TMEM131: variants seen among roughly 807,000 people sequenced by gnomAD.
TMEM131 encodes transmembrane protein 131.
In TMEM131, 66 loss-of-function variants were observed where a neutral mutation model predicts 211.6. The ratio of observed to expected loss-of-function variants is 0.31; its 90% CI spans 0.26 to 0.38. The LOEUF is 0.38. TMEM131 is among the 10% of genes least tolerant of loss of function. The probability of loss-of-function intolerance (pLI) is 1.00; values close to 1 mark genes in which losing one functional copy is unlikely to be tolerated. For missense variants in TMEM131, 2,036 were observed against 2,299.3 expected (o/e 0.89, Z 2.34); for synonymous variants, 844 against 841.3 (o/e 1.00, Z -0.06).
chr2:97,901,103 A>G (rs1354764269), intron 3 of TMEM131, among the ~76,000 whole-genome samples: 1 of 152,210 alleles, frequency 6.6e-6, no homozygotes, highest in Non-Finnish European at 1.5e-5. Context: ...ACCTTCAAAA[A>G]TATGAAAATA....
At chr2:97,988,162 T>A (rs754554171) in intron 1 of TMEM131, among the ~76,000 whole-genome samples, 1 of 152,164 alleles carries the variant, frequency 6.6e-6, no homozygotes, top group South Asian at 2.1e-4. Context: ...CTTGCATATA[T>A]AGCCAATTAA....
intron 1 of TMEM131, among the ~76,000 whole-genome samples, chr2:97,976,960 C>CAAAAA (rs34708023): frequency 1.8e-5 from 2 of 112,176 alleles, no homozygotes; most frequent in African/African-American, 3.4e-5. Context: ...TATTTATATG[C>CAAAAA]AAAAAAAAAA....
Position 97,919,191 on chromosome 2 carries a change from T to C in TMEM131, c.249+8235A>G, listed in dbSNP as rs544946452. On this transcript the variant is annotated intron_variant, in intron 2 of 40. Coordinates refer to ENST00000186436, the MANE Select transcript of TMEM131 (RefSeq NM_015348.2). ...CAATGCATTAGTCAAAACATTATTA[T>C]TATTGTTCTACAAAGTATACATTCA... 1.4e-4 allele frequency among the ~76,000 whole-genome samples: 22 copies of C among 152,350 alleles called. No homozygotes were observed. The East Asian group carries it at 3.3e-3, about 23-fold the overall frequency.
intron 2 of TMEM131, among the ~76,000 whole-genome samples, chr2:97,923,834 A>T (rs897373274): frequency 1.3e-5 from 2 of 152,030 alleles, no homozygotes; most frequent in African/African-American, 4.8e-5. Context: ...TAATCCCCGC[A>T]CTTGGGGAGG....
At chr2:97,833,318 AAAAC>A (rs1381423078) in intron 11 of TMEM131, 43 bp downstream of exon 11, 1 of 910,816 alleles carries the variant, frequency 1.1e-6, no homozygotes, top group Non-Finnish European at 1.7e-6. Flanking sequence ...CATACATTTA[AAAAC>A]AAAGAATATA....
intron 4 of TMEM131, among the ~76,000 whole-genome samples, chr2:97,874,906 A>G (rs531077094): frequency 3.9e-5 from 6 of 152,250 alleles, no homozygotes; most frequent in Non-Finnish European, 7.3e-5. Context: ...AAATGCCCCA[A>G]TTAAAGACAC....
chr2:97,811,163 G>A lies in TMEM131; in HGVS notation c.1933C>T (p.His645Tyr). The change falls in exon 18 of 41, where the codon CAT (histidine) becomes TAT (tyrosine). Residue 645 changes from histidine (H) to tyrosine (Y), a missense_variant. His to Tyr is a moderately conservative substitution (Grantham distance 83). Around this residue, in one of 3 missense-constraint regions of TMEM131, gnomAD observed 1,623 missense variants for 1,805.9 expected, o/e 0.90. Transcript: ENST00000186436. ...GTTGTGATCTGGATGGCTCCATCAT[G>A]AATCCCCTCTAATTTTTTTGCAGTA... ...KLTAKKLEGI[H>Y]DGAIQITTDY... 1 of 1,613,740 alleles carries A rather than the reference G, an allele frequency of 6.2e-7. No homozygotes were observed. Among genetic ancestry groups the A allele is most frequent in the Non-Finnish European group, 8.5e-7 (1 of 1,179,744 alleles).
At position 97,797,467 on chromosome 2, in the gene TMEM131, T is replaced by C. The variant is rs202027300; in HGVS notation, c.2768A>G (p.His923Arg). 314 of 1,613,580 alleles carry C rather than the reference T, an allele frequency of 1.9e-4. No individual in the cohort carries two copies. Among genetic ancestry groups the C allele is most frequent in the Non-Finnish European group, 2.5e-4 (294 of 1,179,726 alleles). ...STGFMEGLSRHLILNLILKPG... is the reference protein window; with the variant it reads ...STGFMEGLSRRLILNLILKPG... ...TTTTAAAATTAGGTTTAAAATTAAA[T>C]GTCGAGAGAGGCCCTCCATAAATCC... Residue 923 changes from histidine to arginine, a missense_variant, in exon 26 of 41, where the codon CAT becomes CGT. His to Arg is a conservative substitution (Grantham distance 29). Coordinates refer to ENST00000186436, the MANE Select transcript of TMEM131 (RefSeq NM_015348.2).
chr2:97,760,778 A>G lies in TMEM131; in HGVS notation c.5011+15T>C, dbSNP rs767285986. On this transcript the variant is annotated intron_variant, in intron 37 of 40. Coordinates refer to ENST00000186436, the MANE Select transcript of TMEM131 (RefSeq NM_015348.2). ...GGCGCCTGGCGTGGCAGGTCTCTGA[A>G]GCAAAGGCACTGACCTGGGCTCTTG... 47 of 1,613,724 alleles carry G rather than the reference A, an allele frequency of 2.9e-5. No homozygotes were observed. Among genetic ancestry groups the G allele is most frequent in the Non-Finnish European group, 3.9e-5 (46 of 1,179,760 alleles).
chr2:97,775,049 T>G (rs563003889), intron 32 of TMEM131, among the ~76,000 whole-genome samples: 1 of 152,334 alleles, frequency 6.6e-6, no homozygotes, highest in South Asian at 2.1e-4. Flanking sequence ...AAAGAAAGTC[T>G]GTTCTACAAC....
At chr2:97,798,564 C>T (rs1680878671) in intron 25 of TMEM131, among the ~76,000 whole-genome samples, 1 of 152,246 alleles carries the variant, frequency 6.6e-6, no homozygotes, top group Non-Finnish European at 1.5e-5. Context: ...TGTCTCTGTA[C>T]ATGCCAGAGA....
intron 2 of TMEM131, among the ~76,000 whole-genome samples, chr2:97,911,837 A>C (rs1676304917): frequency 6.6e-6 from 1 of 152,210 alleles, no homozygotes; most frequent in South Asian, 2.1e-4. Context: ...AATAGACACT[A>C]TTTTGTTTCT....
intron 11 of TMEM131, among the ~76,000 whole-genome samples, chr2:97,825,143 A>G (rs1416955936): frequency 6.6e-6 from 1 of 152,196 alleles, no homozygotes; most frequent in South Asian, 2.1e-4. Flanking sequence ...GTTTAGGGAT[A>G]GCCCTCATCT....
At chr2:97,959,175 A>T (rs1369329227) in intron 1 of TMEM131, among the ~76,000 whole-genome samples, 1 of 152,158 alleles carries the variant, frequency 6.6e-6, no homozygotes, top group Non-Finnish European at 1.5e-5. Flanking sequence ...GAGAAAGGAG[A>T]AGAAAAGCTC....
chr2:97,790,308 T>C (rs981125359), intron 31 of TMEM131, among the ~76,000 whole-genome samples: 13 of 152,114 alleles, frequency 8.5e-5, no homozygotes, highest in African/African-American at 7.2e-5. Flanking sequence ...AATAAAAACA[T>C]TGAAGAAGAA....
chr2:97,957,096 CA>C (rs34518893), intron 1 of TMEM131, among the ~76,000 whole-genome samples: 161 of 116,350 alleles, frequency 1.4e-3, no homozygotes, highest in Admixed American at 4.7e-3. Flanking sequence ...GACTCCGTCT[CA>C]AAAAAAAAAA....
intron 3 of TMEM131, among the ~76,000 whole-genome samples, chr2:97,906,244 T>C (rs62156485): frequency 1.3e-5 from 2 of 152,204 alleles, no homozygotes; most frequent in African/African-American, 4.8e-5. Context: ...ACTCAGTCTA[T>C]GGTATTTTGT....
At chr2:97,959,300 G>A (rs1284647066) in intron 1 of TMEM131, among the ~76,000 whole-genome samples, 4 of 152,146 alleles carry the variant, frequency 2.6e-5, no homozygotes, top group African/African-American at 9.7e-5. Flanking sequence ...AAGATACAAG[G>A]TCATCTGTGT....
At chr2:97,958,890 G>T (rs1290059753) in intron 1 of TMEM131, among the ~76,000 whole-genome samples, 1 of 152,220 alleles carries the variant, frequency 6.6e-6, no homozygotes, top group East Asian at 1.9e-4. Context: ...ATTACGGGCA[G>T]AACCTCCCTC....
Sources: allele counts gnomAD v4.1 joint callset (sites outside exome capture counted in the v4.1 genomes callset), GRCh38; gene constraint gnomAD v4.1.1; regional missense constraint gnomAD v4.1.1; transcripts MANE v1.5; gene names NCBI Gene and HGNC (gene_info 2026-07-23, HGNC 2026-07-21).